Variants in ZNRF1 observed in about 807,000 individuals in gnomAD.
ZNRF1 encodes zinc and ring finger 1.
Under a neutral mutation model 18.4 loss-of-function variants are expected in ZNRF1, and 3 were observed. The observed-to-expected ratio is 0.16, with a 90% CI of 0.07 to 0.42. The LOEUF is 0.42. ZNRF1 is among the 10% of genes least tolerant of loss of function. The pLI is 0.99. For missense variants in ZNRF1, 310 were observed against 329.8 expected (o/e 0.94, Z 0.47); for synonymous variants, 157 against 144.2 (o/e 1.09, Z -0.64).
chr16:75,047,639 T>C (rs892486543), intron 1 of ZNRF1, among the ~76,000 whole-genome samples: 4 of 132,658 alleles, frequency 3.0e-5, no homozygotes, highest in African/African-American at 1.1e-4. Flanking sequence ...TTGCTGAACT[T>C]GTGTTAGTTA....
At chr16:75,052,541 A>G (rs1047755127) in intron 1 of ZNRF1, among the ~76,000 whole-genome samples, 1 of 152,180 alleles carries the variant, frequency 6.6e-6, no homozygotes, top group African/African-American at 2.4e-5. Flanking sequence ...CCTTTTAAAT[A>G]AAGAAGCTTG....
intron 1 of ZNRF1, among the ~76,000 whole-genome samples, chr16:75,053,152 A>G (rs755894947): frequency 9.2e-5 from 14 of 152,302 alleles, no homozygotes; most frequent in Middle Eastern, 3.4e-3. Context: ...CTCACTTCCC[A>G]CCCCACATAA....
chr16:75,073,979 A>G (rs931426498), intron 1 of ZNRF1, among the ~76,000 whole-genome samples: 1 of 152,046 alleles, frequency 6.6e-6, no homozygotes, highest in Non-Finnish European at 1.5e-5. Flanking sequence ...AAAATACCCT[A>G]ACTTTCAGCC....
At chr16:75,022,351 C>A (rs1261681786) in intron 1 of ZNRF1, among the ~76,000 whole-genome samples, 1 of 151,798 alleles carries the variant, frequency 6.6e-6, no homozygotes, top group Non-Finnish European at 1.5e-5. Flanking sequence ...ATCACGAGGT[C>A]AGGAGATCGA....
intron 1 of ZNRF1, among the ~76,000 whole-genome samples, chr16:75,012,998 A>G (rs1321442386): frequency 6.6e-6 from 1 of 152,202 alleles, no homozygotes; most frequent in Non-Finnish European, 1.5e-5. Context: ...AGGAGAGAGA[A>G]TTGTGGGAGT....
At chr16:75,090,195 T>C (rs1412901557) in intron 1 of ZNRF1, among the ~76,000 whole-genome samples, 1 of 152,188 alleles carries the variant, frequency 6.6e-6, no homozygotes, top group Non-Finnish European at 1.5e-5. Context: ...CGGAAAAGCA[T>C]CTTCCATCTG....
chr16:75,036,769 GATGGT>G (rs757140084), intron 1 of ZNRF1, among the ~76,000 whole-genome samples: 63 of 152,236 alleles, frequency 4.1e-4, no homozygotes, highest in Non-Finnish European at 8.5e-4. Context: ...ATTACACCTG[GATGGT>G]ATATGTTTGT....
At chr16:75,062,490 G>T (rs1434431671) in intron 1 of ZNRF1, among the ~76,000 whole-genome samples, 1 of 152,266 alleles carries the variant, frequency 6.6e-6, no homozygotes, top group Non-Finnish European at 1.5e-5. Context: ...AATATGGACT[G>T]TGTCTTTACC....
chr16:75,012,635 A>C (rs1472419049), intron 1 of ZNRF1, among the ~76,000 whole-genome samples: 3 of 152,204 alleles, frequency 2.0e-5, no homozygotes, highest in Non-Finnish European at 4.4e-5. Flanking sequence ...AGCTTAGAAC[A>C]AGCCAGAATT....
chr16:75,067,380 T>A (rs2035819367), intron 1 of ZNRF1, among the ~76,000 whole-genome samples: 1 of 152,216 alleles, frequency 6.6e-6, no homozygotes, highest in African/African-American at 2.4e-5. Flanking sequence ...AGTGTTAATA[T>A]CACTTTGTAA....
chr16:74,999,431 G>A lies in ZNRF1; in HGVS notation c.-241G>A. ...GGACTGCGCCTCTTTGGACCTTGAG[G>A]GGAAACATGCGTTTGCCTTGGATCG... On this transcript the variant is annotated 5_prime_UTR_variant, in exon 1 of 5. Coordinates refer to ENST00000335325, the MANE Select transcript of ZNRF1 (RefSeq NM_032268.5). 2.7e-6 allele frequency: 1 copy of A among 372,290 alleles called. No individual in the cohort carries two copies. The highest frequency in any genetic ancestry group is 4.8e-6 in the Non-Finnish European group (1 of 209,826). 23.1% of individuals were successfully genotyped at this position (372,290 alleles called of 1,614,324 possible).
chr16:75,016,786 T>A (rs2035078230), intron 1 of ZNRF1, among the ~76,000 whole-genome samples: 1 of 149,126 alleles, frequency 6.7e-6, no homozygotes, highest in African/African-American at 2.5e-5. Context: ...CTCAGGTGAT[T>A]CACCTGCCTC....
intron 1 of ZNRF1, among the ~76,000 whole-genome samples, chr16:75,036,779 G>A (rs1186637335): frequency 2.0e-5 from 3 of 152,092 alleles, no homozygotes; most frequent in Non-Finnish European, 4.4e-5. Flanking sequence ...GATGGTATAT[G>A]TTTGTATGTA....
At chr16:75,050,648 C>T (rs2035583894) in intron 1 of ZNRF1, among the ~76,000 whole-genome samples, 3 of 150,720 alleles carry the variant, frequency 2.0e-5, no homozygotes, top group Non-Finnish European at 4.4e-5. Flanking sequence ...GCGGGCGGAT[C>T]ACGAGGTCAG....
chr16:75,001,158 A>G (rs562818140), intron 1 of ZNRF1, among the ~76,000 whole-genome samples: 3 of 152,270 alleles, frequency 2.0e-5, no homozygotes, highest in South Asian at 2.1e-4. Context: ...GGGAAAATTT[A>G]GATAGTGTAG....
intron 1 of ZNRF1, among the ~76,000 whole-genome samples, chr16:75,071,374 A>G (rs1265797353): frequency 1.3e-5 from 2 of 151,938 alleles, no homozygotes; most frequent in Non-Finnish European, 2.9e-5. Flanking sequence ...ACGGGTGTGA[A>G]CCACCGTACC....
In ZNRF1 at chr16:75,101,921, C is replaced by T. The variant is rs114355997; in HGVS notation, c.521-2863C>T. On this transcript the variant is annotated intron_variant, in intron 2 of 4. Transcript: ENST00000335325. The stretch of plus-strand genomic sequence containing the variant: ...TTGCCATGTTTGGAGTCTGAGGGGA[C>T]AGACACTTCAGCAGCAGACTGTGCC... 6.5e-3 allele frequency among the ~76,000 whole-genome samples: 992 copies of T among 152,292 alleles called. 9 individuals carry two copies. Among genetic ancestry groups the T allele is most frequent in the African/African-American group, 0.022 (921 of 41,564 alleles).
intron 1 of ZNRF1, among the ~76,000 whole-genome samples, chr16:75,050,097 T>C (rs1386971591): frequency 1.3e-5 from 2 of 152,198 alleles, no homozygotes; most frequent in African/African-American, 4.8e-5. Context: ...CATGTAATCC[T>C]TGGGATTGGC....
intron 1 of ZNRF1, chr16:75,002,212 T>G (rs1378522780): frequency 6.6e-6 from 1 of 152,240 alleles, no homozygotes; most frequent in Non-Finnish European, 1.5e-5. Context: ...TCACATAAAG[T>G]AATTGGCTTT....
Sources: allele counts gnomAD v4.1 joint callset (sites outside exome capture counted in the v4.1 genomes callset), GRCh38; gene constraint gnomAD v4.1.1; transcripts MANE v1.5; gene names NCBI Gene and HGNC (gene_info 2026-07-23, HGNC 2026-07-21).